The following GRIA4 variants were observed in gnomAD, a reference collection of about 807,000 sequenced individuals.
GRIA4 encodes glutamate receptor 4.
GRIA4 carries 34 observed loss-of-function variants against 104.0 expected under a neutral mutation model. The ratio of observed to expected loss-of-function variants is 0.33; its 90% CI spans 0.25 to 0.44. GRIA4 has a LOEUF of 0.44. GRIA4 is among the 20% of genes least tolerant of loss of function. The probability of loss-of-function intolerance (pLI) is 1.00; values close to 1 mark genes in which losing one functional copy is unlikely to be tolerated. For missense variants in GRIA4, 750 were observed against 1,096.5 expected (o/e 0.68, Z 4.46); for synonymous variants, 386 against 381.9 (o/e 1.01, Z -0.13).
chr11:105,672,187 C>A (rs1341549382), intron 3 of GRIA4, among the ~76,000 whole-genome samples: 1 of 152,122 alleles, frequency 6.6e-6, no homozygotes, highest in Non-Finnish European at 1.5e-5. Flanking sequence ...TACTGCAATT[C>A]TTGTGCCATT....
At chr11:105,929,951 G>A (rs1240514548) in intron 13 of GRIA4, among the ~76,000 whole-genome samples, 4 of 151,976 alleles carry the variant, frequency 2.6e-5, no homozygotes, top group African/African-American at 9.7e-5. Context: ...GAAATAAATC[G>A]ATCTGAGATT....
At chr11:105,625,328 C>T (rs937385145) in intron 3 of GRIA4, among the ~76,000 whole-genome samples, 2 of 152,068 alleles carry the variant, frequency 1.3e-5, no homozygotes, top group East Asian at 1.9e-4. Flanking sequence ...GAGAGAGAAA[C>T]TGTTTCTTGA....
At chr11:105,880,415 A>C (rs1314449612) in intron 5 of GRIA4, among the ~76,000 whole-genome samples, 3 of 152,180 alleles carry the variant, frequency 2.0e-5, no homozygotes, top group Non-Finnish European at 2.9e-5. Flanking sequence ...CATGGAACGA[A>C]CACAGGACAA....
intron 4 of GRIA4, among the ~76,000 whole-genome samples, chr11:105,777,631 A>T (rs1941508187): frequency 6.6e-6 from 1 of 152,204 alleles, no homozygotes; most frequent in South Asian, 2.1e-4. Flanking sequence ...TCTATAAAAA[A>T]TTTTGTGGAT....
intron 3 of GRIA4, among the ~76,000 whole-genome samples, chr11:105,635,874 T>TAAAAA (rs1359099450): frequency 1.3e-5 from 2 of 152,174 alleles, no homozygotes; most frequent in Admixed American, 1.3e-4. Context: ...TATTCTGAAA[T>TAAAAA]AAAAATAAGG....
At chr11:105,932,757 GAA>G (rs921359905) in intron 13 of GRIA4, among the ~76,000 whole-genome samples, 1 of 152,068 alleles carries the variant, frequency 6.6e-6, no homozygotes, top group East Asian at 1.9e-4. Flanking sequence ...AATTTTCTCA[GAA>G]AAAGTCTAAA....
At chr11:105,673,584 T>G (rs1171053339) in intron 3 of GRIA4, among the ~76,000 whole-genome samples, 1 of 152,054 alleles carries the variant, frequency 6.6e-6, no homozygotes, top group African/African-American at 2.4e-5. Context: ...TCTTTACTCC[T>G]CCTTTCTGTA....
intron 3 of GRIA4, among the ~76,000 whole-genome samples, chr11:105,661,495 A>G (rs1591521585): frequency 1.3e-5 from 2 of 151,802 alleles, no homozygotes; most frequent in South Asian, 4.1e-4. Context: ...AAGTAGAAAA[A>G]TGTGAAGATG....
intron 3 of GRIA4, among the ~76,000 whole-genome samples, chr11:105,621,141 T>C (rs1300320842): frequency 6.6e-6 from 1 of 151,842 alleles, no homozygotes; most frequent in African/African-American, 2.4e-5. Context: ...ATAGCAGAAA[T>C]TATACTATAA....
chr11:105,655,666 T>C (rs1163290259), intron 3 of GRIA4, among the ~76,000 whole-genome samples: 5 of 152,110 alleles, frequency 3.3e-5, no homozygotes, highest in African/African-American at 1.2e-4. Flanking sequence ...CAGGAACTCA[T>C]CCTTTTTATG....
intron 16 of GRIA4, among the ~76,000 whole-genome samples, chr11:105,977,168 C>T (rs557217969): frequency 6.6e-6 from 1 of 152,036 alleles, no homozygotes; most frequent in Non-Finnish European, 1.5e-5. Flanking sequence ...AAAATTAAAA[C>T]AAAGCTAAAC....
rs147987888 is a variant in GRIA4, at chr11:105,781,400, TTCATATATGC to T, written c.487+28183_487+28192del. Among the ~76,000 whole-genome samples, 327 of 152,304 alleles carry T rather than the reference TTCATATATGC, an allele frequency of 2.1e-3. 1 individual carries two copies. Among genetic ancestry groups the T allele is most frequent in the African/African-American group, 7.3e-3 (305 of 41,568 alleles). The stretch of plus-strand genomic sequence containing the variant: ...CTAGTTGTTTTACTGCCTTTATTTA[TTCATATATGC>T]TCTTGTTCTTTTCTCTCCCACAATT... On this transcript the variant is annotated intron_variant, in intron 4 of 16. Transcript: ENST00000282499.
At chr11:105,639,726 A>G (rs1172056534) in intron 3 of GRIA4, among the ~76,000 whole-genome samples, 1 of 151,994 alleles carries the variant, frequency 6.6e-6, no homozygotes, top group Non-Finnish European at 1.5e-5. Context: ...ACTTTCCTAA[A>G]GTGACATGAT....
intron 2 of GRIA4, 85 bp from the exon 3 acceptor site, chr11:105,612,191 T>C: frequency 1.7e-6 from 2 of 1,208,116 alleles, no homozygotes; most frequent in Non-Finnish European, 1.2e-6. Flanking sequence ...TGCTTGTGAA[T>C]GGCAGTAGAT....
intron 4 of GRIA4, among the ~76,000 whole-genome samples, chr11:105,850,221 T>TA: frequency 6.6e-6 from 1 of 152,366 alleles, no homozygotes; most frequent in Middle Eastern, 3.4e-3. Flanking sequence ...TCCAATTTGT[T>TA]ACAGTTATAT....
intron 3 of GRIA4, among the ~76,000 whole-genome samples, chr11:105,677,686 A>G (rs1952581517): frequency 6.6e-6 from 1 of 151,972 alleles, no homozygotes; most frequent in African/African-American, 2.4e-5. Flanking sequence ...TGAACTTAAA[A>G]TTAGCACAGC....
chr11:105,633,298 A>G (rs1204987302), intron 3 of GRIA4, among the ~76,000 whole-genome samples: 2 of 152,224 alleles, frequency 1.3e-5, no homozygotes, highest in African/African-American at 4.8e-5. Context: ...AGATTTATAC[A>G]TATTTCTACA....
intron 14 of GRIA4, among the ~76,000 whole-genome samples, chr11:105,948,459 G>A (rs1948371633): frequency 1.3e-5 from 2 of 151,804 alleles, no homozygotes; most frequent in Non-Finnish European, 2.9e-5. Flanking sequence ...TCAAACCACA[G>A]TTGACACTTA....
At chr11:105,657,862 T>C (rs1376446336) in intron 3 of GRIA4, among the ~76,000 whole-genome samples, 1 of 151,940 alleles carries the variant, frequency 6.6e-6, no homozygotes, top group Non-Finnish European at 1.5e-5. Flanking sequence ...ATGGAATGTA[T>C]TTTTTTCTTT....
Sources: allele counts gnomAD v4.1 joint callset (sites outside exome capture counted in the v4.1 genomes callset), GRCh38; gene constraint gnomAD v4.1.1; transcripts MANE v1.5; gene names NCBI Gene and HGNC (gene_info 2026-07-23, HGNC 2026-07-21).